SYNJ2BP: variants seen among roughly 807,000 people sequenced by gnomAD.
SYNJ2BP encodes synaptojanin 2 binding protein.
In SYNJ2BP, 10 loss-of-function variants were observed where a neutral mutation model predicts 16.9. The observed-to-expected ratio is 0.59, with a 90% CI of 0.36 to 1.00. The LOEUF (loss-of-function observed/expected upper bound fraction) is 1.00, where lower values mean the gene tolerates loss of function less well. Ranked by LOEUF, SYNJ2BP falls within the 50% of genes least tolerant of loss-of-function variation. The pLI is 0.01. For missense variants in SYNJ2BP, 162 were observed against 186.7 expected, an observed-to-expected ratio of 0.87 and a Z score of 0.77; for synonymous variants, 54 against 68.4, an observed-to-expected ratio of 0.79 and a Z score of 1.04.
At chr14:70,409,650 C>T (rs1341402084) in intron 1 of SYNJ2BP, among the ~76,000 whole-genome samples, 1 of 152,206 alleles carries the variant, frequency 6.6e-6, no homozygotes, top group East Asian at 1.9e-4. Context: ...AAGAGGTGTT[C>T]CATCTACTCC....
intron 1 of SYNJ2BP, among the ~76,000 whole-genome samples, chr14:70,406,399 AG>A (rs1888345637): frequency 6.6e-6 from 1 of 152,314 alleles, no homozygotes; most frequent in African/African-American, 2.4e-5. Context: ...TAACTTTGGG[AG>A]GAACTTAGCT....
At chr14:70,375,481 T>A (rs1276978054) in intron 3 of SYNJ2BP, among the ~76,000 whole-genome samples, 195 bp downstream of exon 3, 1 of 152,208 alleles carries the variant, frequency 6.6e-6, no homozygotes, top group Admixed American at 6.5e-5. Context: ...ATTACAGGTG[T>A]GAGCCACCGT....
chr14:70,386,666 GC>G (rs1357118746), intron 2 of SYNJ2BP, among the ~76,000 whole-genome samples: 1 of 152,084 alleles, frequency 6.6e-6, no homozygotes, highest in Non-Finnish European at 1.5e-5. Flanking sequence ...TTGTATCTCT[GC>G]CTTCAGGTTC....
chr14:70,402,112 T>C (rs1034209905), intron 1 of SYNJ2BP, among the ~76,000 whole-genome samples: 1 of 152,002 alleles, frequency 6.6e-6, no homozygotes, highest in African/African-American at 2.4e-5. Flanking sequence ...TCTTGTGGAG[T>C]CTGAAAAGTC....
chr14:70,377,931 T>G (rs1887668323), intron 2 of SYNJ2BP, among the ~76,000 whole-genome samples: 1 of 152,232 alleles, frequency 6.6e-6, no homozygotes, highest in South Asian at 2.1e-4. Flanking sequence ...TTCTTCAGCA[T>G]TCATTCTCTA....
chr14:70,407,650 A>T (rs1334423608), intron 1 of SYNJ2BP, among the ~76,000 whole-genome samples: 2 of 152,128 alleles, frequency 1.3e-5, no homozygotes, highest in African/African-American at 4.8e-5. Flanking sequence ...AGATAAAATC[A>T]AAGTAAAAAA....
intron 1 of SYNJ2BP, among the ~76,000 whole-genome samples, chr14:70,389,491 T>C (rs1887934801): frequency 6.6e-6 from 1 of 151,930 alleles, no homozygotes; most frequent in South Asian, 2.1e-4. Context: ...TCACCAAATT[T>C]ACTCTCCCTT....
In SYNJ2BP at chr14:70,399,111, C is replaced by T. The variant is rs907274468; in HGVS notation, c.65-10505G>A. Among the ~76,000 whole-genome samples the T allele has an allele frequency of 8.5e-5, 13 of 152,214 alleles. No individual in the cohort carries two copies. The South Asian group carries it at 2.1e-3, about 24-fold the overall frequency. On this transcript the variant is annotated intron_variant, in intron 1 of 3. Transcript: ENST00000256366. ...TGGTGGGTGGGTGTGGTGGGTGCTC[C>T]GCTGGCCAGGTCCCCAAAGCAGGCG...
At position 70,380,715 on chromosome 14, in the gene SYNJ2BP, T is replaced by G. The variant is rs144219704; in HGVS notation, c.202-4944A>C. ...AAAACAAGGTATTTATATATTAATATTACTATTCATTTGTATATACAGAAG... is the reference window on the plus strand; with the variant it reads ...AAAACAAGGTATTTATATATTAATAGTACTATTCATTTGTATATACAGAAG... On this transcript the variant is annotated intron_variant, in intron 2 of 3. Coordinates refer to ENST00000256366, the MANE Select transcript of SYNJ2BP (RefSeq NM_018373.3). 5.5e-4 allele frequency among the ~76,000 whole-genome samples: 83 copies of G among 151,944 alleles called. No homozygotes were observed. In the East Asian group the frequency reaches 0.01, roughly 19 times the overall value.
At chr14:70,373,344 T>A (rs74065327) in intron 3 of SYNJ2BP, among the ~76,000 whole-genome samples, 1 of 152,142 alleles carries the variant, frequency 6.6e-6, no homozygotes, top group Non-Finnish European at 1.5e-5. Flanking sequence ...TGGGGAGGCA[T>A]TTAACCTTGC....
intron 1 of SYNJ2BP, among the ~76,000 whole-genome samples, chr14:70,391,218 A>G (rs181476026): frequency 6.6e-6 from 1 of 152,328 alleles, no homozygotes; most frequent in Admixed American, 6.5e-5. Context: ...AATAATATAC[A>G]TAATAGAAAG....
At chr14:70,410,979 C>G (rs1351482313) in intron 1 of SYNJ2BP, among the ~76,000 whole-genome samples, 1 of 151,910 alleles carries the variant, frequency 6.6e-6, no homozygotes, top group Non-Finnish European at 1.5e-5. Flanking sequence ...TATAACAAAC[C>G]TATACATGTA....
chr14:70,414,909 T>C (rs1366338535), intron 1 of SYNJ2BP, among the ~76,000 whole-genome samples: 1 of 152,140 alleles, frequency 6.6e-6, no homozygotes, highest in Non-Finnish European at 1.5e-5. Flanking sequence ...GCCTCAAAAG[T>C]CAATAAATAT....
chr14:70,406,964 G>C (rs566837636), intron 1 of SYNJ2BP, among the ~76,000 whole-genome samples: 2 of 152,194 alleles, frequency 1.3e-5, no homozygotes, highest in African/African-American at 2.4e-5. Context: ...CAGCGAGCAA[G>C]AAGAACCCAT....
intron 1 of SYNJ2BP, 59 bp from the exon 2 acceptor site, chr14:70,388,665 G>T (rs948341904): frequency 7.0e-6 from 10 of 1,425,254 alleles, no homozygotes; most frequent in Non-Finnish European, 9.2e-7. Flanking sequence ...AGAGATTAGA[G>T]AAGATGAAGA....
intron 1 of SYNJ2BP, among the ~76,000 whole-genome samples, chr14:70,415,495 G>A (rs1888584595): frequency 6.6e-6 from 1 of 151,166 alleles, no homozygotes; most frequent in Non-Finnish European, 1.5e-5. Flanking sequence ...AGGCTGCAGT[G>A]GGCTGAGATC....
At chr14:70,411,054 C>T (rs17108107) in intron 1 of SYNJ2BP, among the ~76,000 whole-genome samples, 21,745 of 151,930 alleles carry the variant, frequency 0.14, 2,112 homozygotes, top group East Asian at 0.53. Flanking sequence ...TTCTTTGACT[C>T]AGAAGAGCTC....
At chr14:70,389,004 G>A (rs980998886) in intron 1 of SYNJ2BP, among the ~76,000 whole-genome samples, 1 of 150,522 alleles carries the variant, frequency 6.6e-6, no homozygotes, top group African/African-American at 2.5e-5. Context: ...GGAGTTCATA[G>A]CTCAGTTGCC....
Position 70,369,747 on chromosome 14 carries a change from G to A in SYNJ2BP, c.*3244C>T, listed in dbSNP as rs1323685193. On this transcript the variant is annotated 3_prime_UTR_variant, in exon 4 of 4. Transcript: ENST00000256366. Reference sequence around the variant, plus strand: ...AAGTTAAATCGATAACACATAAGTTGAAACTTCACAGGAAAACAAAGTACA... The same window carrying A: ...AAGTTAAATCGATAACACATAAGTTAAAACTTCACAGGAAAACAAAGTACA... 1 of 152,150 alleles carries A rather than the reference G, an allele frequency of 6.6e-6. No homozygotes were observed. The highest frequency in any genetic ancestry group is 1.5e-5 in the Non-Finnish European group (1 of 68,024). The allele number at this position is 152,150 out of a possible 1,614,324, so 9.4% of individuals were successfully genotyped here.
Sources: gnomAD v4.1 joint callset for allele counts (sites outside exome capture counted in the v4.1 genomes callset) on GRCh38, gnomAD v4.1.1 for gene constraint, MANE v1.5 for transcripts, NCBI Gene and HGNC (gene_info 2026-07-23, HGNC 2026-07-21) for gene names.